The following EPHA3 variants were observed in gnomAD, a reference collection of about 807,000 sequenced individuals.
EPHA3 encodes EPH receptor A3, also known as ephrin type-A receptor 3.
EPHA3 carries 42 observed loss-of-function variants against 107.1 expected under a neutral mutation model. That is an observed-to-expected ratio of 0.39 (90% CI 0.31 to 0.51). EPHA3 has a LOEUF of 0.51. EPHA3 is among the 20% of genes least tolerant of loss of function. The pLI, the probability that EPHA3 is intolerant of heterozygous loss-of-function variation, is 0.78. For synonymous variants in EPHA3, 461 were observed against 424.8 expected, an observed-to-expected ratio of 1.09 and a Z score of -1.05; for missense variants, 1,183 against 1,211.2, an observed-to-expected ratio of 0.98 and a Z score of 0.35.
intron 3 of EPHA3, among the ~76,000 whole-genome samples, chr3:89,265,717 G>A (rs751728812): frequency 6.6e-6 from 1 of 151,916 alleles, no homozygotes; most frequent in East Asian, 1.9e-4. Flanking sequence ...AGACATCAAG[G>A]AGTAAGCAAT....
chr3:89,158,920 G>A (rs1203535907), intron 2 of EPHA3, among the ~76,000 whole-genome samples: 1 of 152,040 alleles, frequency 6.6e-6, no homozygotes, highest in Non-Finnish European at 1.5e-5. Context: ...TCCTATGCAT[G>A]TATTTGGGGA....
At chr3:89,192,169 G>C (rs1214176680) in intron 2 of EPHA3, among the ~76,000 whole-genome samples, 1 of 152,110 alleles carries the variant, frequency 6.6e-6, no homozygotes, top group African/African-American at 2.4e-5. Flanking sequence ...AACATGTAGT[G>C]CGTGATTAAG....
chr3:89,230,269 T>C (rs1273736082), intron 3 of EPHA3, among the ~76,000 whole-genome samples: 1 of 152,016 alleles, frequency 6.6e-6, no homozygotes, highest in African/African-American at 2.4e-5. Flanking sequence ...TGGGTGAAAA[T>C]GGCCTCTAGA....
intron 5 of EPHA3, among the ~76,000 whole-genome samples, chr3:89,355,362 G>A (rs1187625909): frequency 6.6e-6 from 1 of 151,218 alleles, no homozygotes; most frequent in Admixed American, 6.6e-5. Context: ...AGGAAACTAA[G>A]TTAATGCACA....
chr3:89,270,024 T>A lies in EPHA3; in HGVS notation c.814+59504T>A, dbSNP rs1705629826. 2.6e-5 allele frequency among the ~76,000 whole-genome samples: 4 copies of A among 151,830 alleles called. No individual in the cohort carries two copies. In the South Asian group the frequency reaches 8.3e-4, roughly 32 times the overall value. On this transcript the variant is annotated intron_variant, in intron 3 of 16. Transcript: ENST00000336596. ...TTTAGAATAACACTGGGAATACTAGTAGCTCTTCGATGGGGCTGCCAAAAG... is the reference window on the plus strand; with the variant it reads ...TTTAGAATAACACTGGGAATACTAGAAGCTCTTCGATGGGGCTGCCAAAAG...
intron 2 of EPHA3, among the ~76,000 whole-genome samples, chr3:89,157,588 A>C (rs1704834677): frequency 6.6e-6 from 1 of 152,004 alleles, no homozygotes; most frequent in African/African-American, 2.4e-5. Flanking sequence ...CTGCTGCTCC[A>C]AGCAGATGAC....
intron 2 of EPHA3, among the ~76,000 whole-genome samples, chr3:89,193,326 T>C (rs1705762045): frequency 6.6e-6 from 1 of 152,048 alleles, no homozygotes; most frequent in African/African-American, 2.4e-5. Flanking sequence ...AGTTTGTAGC[T>C]GCTCCCCACC....
chr3:89,423,880 A>G (rs997778915), intron 11 of EPHA3, among the ~76,000 whole-genome samples: 14 of 151,348 alleles, frequency 9.3e-5, no homozygotes, highest in African/African-American at 3.4e-4. Flanking sequence ...AATTTGTTAG[A>G]GCACGATTTG....
At chr3:89,263,806 G>T (rs1705476740) in intron 3 of EPHA3, among the ~76,000 whole-genome samples, 1 of 152,104 alleles carries the variant, frequency 6.6e-6, no homozygotes, top group African/African-American at 2.4e-5. Flanking sequence ...TTGGGCCGTG[G>T]TTTCAGGCTT....
intron 2 of EPHA3, among the ~76,000 whole-genome samples, chr3:89,202,526 AAAAAAAAAAT>A (rs869196045): frequency 1.8e-3 from 148 of 82,126 alleles, no homozygotes; most frequent in Middle Eastern, 6.4e-3. Context: ...AAAAAAAAAA[AAAAAAAAAAT>A]ATATATATAT....
intron 3 of EPHA3, among the ~76,000 whole-genome samples, chr3:89,264,631 C>A (rs576456017): frequency 1.3e-5 from 2 of 152,154 alleles, no homozygotes; most frequent in East Asian, 1.9e-4. Flanking sequence ...TAAATTAATC[C>A]TTGTTCCCCC....
intron 3 of EPHA3, among the ~76,000 whole-genome samples, chr3:89,275,299 A>G (rs956569535): frequency 2.0e-5 from 3 of 152,038 alleles, no homozygotes; most frequent in Admixed American, 6.6e-5. Context: ...TCAAGAAGCT[A>G]TGGTGGAAGA....
At chr3:89,255,487 A>G (rs1705261858) in intron 3 of EPHA3, among the ~76,000 whole-genome samples, 1 of 152,204 alleles carries the variant, frequency 6.6e-6, no homozygotes, top group African/African-American at 2.4e-5. Context: ...GATATTTTCC[A>G]TGGCTGCTTT....
chr3:89,363,488 C>A (rs189325506), intron 5 of EPHA3, among the ~76,000 whole-genome samples: 1 of 150,808 alleles, frequency 6.6e-6, no homozygotes, highest in Non-Finnish European at 1.5e-5. Flanking sequence ...AGGCCTTCAA[C>A]GGACTGAATG....
At chr3:89,468,114 C>T (rs535893998) in intron 15 of EPHA3, among the ~76,000 whole-genome samples, 23 of 152,258 alleles carry the variant, frequency 1.5e-4, no homozygotes, top group African/African-American at 5.5e-4. Context: ...AATTCCTATC[C>T]ATTGATAAAC....
chr3:89,170,315 A>G (rs1351562241), intron 2 of EPHA3, among the ~76,000 whole-genome samples: 11 of 151,978 alleles, frequency 7.2e-5, no homozygotes, highest in Non-Finnish European at 1.3e-4. Context: ...ACAGAACTAG[A>G]ATTACTTAAG....
At chr3:89,466,727 G>A (rs1710284392) in intron 15 of EPHA3, among the ~76,000 whole-genome samples, 1 of 135,422 alleles carries the variant, frequency 7.4e-6, no homozygotes, top group African/African-American at 2.8e-5. Context: ...TGCGCCCACT[G>A]TCTGGCACTC....
chr3:89,375,884 T>C (rs1370393809), intron 5 of EPHA3, among the ~76,000 whole-genome samples: 1 of 151,950 alleles, frequency 6.6e-6, no homozygotes, highest in East Asian at 1.9e-4. Context: ...GAACATAGGT[T>C]ATCAGAGGGA....
intron 6 of EPHA3, among the ~76,000 whole-genome samples, chr3:89,397,068 C>A (rs1458853352): frequency 6.6e-6 from 1 of 151,926 alleles, no homozygotes; most frequent in Non-Finnish European, 1.5e-5. Context: ...TTGGCATAAT[C>A]AACTGTGCAA....
Sources: gnomAD v4.1 joint callset for allele counts (sites outside exome capture counted in the v4.1 genomes callset) on GRCh38, gnomAD v4.1.1 for gene constraint, MANE v1.5 for transcripts, NCBI Gene and HGNC (gene_info 2026-07-23, HGNC 2026-07-21) for gene names.